The following OXR1 variants were observed in gnomAD, a reference collection of about 807,000 sequenced individuals.
The protein encoded by OXR1 is oxidation resistance protein 1.
A neutral mutation model predicts 104.6 loss-of-function variants in OXR1; 41 were observed. The ratio of observed to expected loss-of-function variants is 0.39; its 90% CI spans 0.31 to 0.51. The LOEUF (loss-of-function observed/expected upper bound fraction) is 0.51. Ranked by LOEUF, OXR1 falls within the 20% of genes least tolerant of loss-of-function variation. The pLI, the probability that OXR1 is intolerant of heterozygous loss-of-function variation, is 0.77. For missense variants in OXR1, 955 were observed against 1,031.9 expected (o/e 0.93, Z 1.02); for synonymous variants, 348 against 348.4 (o/e 1.00, Z 0.01).
intron 3 of OXR1, among the ~76,000 whole-genome samples, chr8:106,531,239 G>A (rs1216138872): frequency 6.6e-6 from 1 of 152,100 alleles, no homozygotes; most frequent in Non-Finnish European, 1.5e-5. Flanking sequence ...ATATGCGTTG[G>A]ATTTAAATGA....
At chr8:106,525,545 T>C (rs551752785) in intron 3 of OXR1, among the ~76,000 whole-genome samples, 1 of 152,350 alleles carries the variant, frequency 6.6e-6, no homozygotes, top group African/African-American at 2.4e-5. Flanking sequence ...ACAACCTTTA[T>C]GTTTATTTTT....
intron 1 of OXR1, among the ~76,000 whole-genome samples, chr8:106,315,656 GTGA>G (rs1813897824): frequency 6.6e-6 from 1 of 152,186 alleles, no homozygotes; most frequent in South Asian, 2.1e-4. Context: ...AACATACTGG[GTGA>G]TGCAGCAAAG....
intron 2 of OXR1, among the ~76,000 whole-genome samples, chr8:106,514,286 C>T (rs1390521974): frequency 6.6e-6 from 1 of 152,110 alleles, no homozygotes; most frequent in Non-Finnish European, 1.5e-5. Flanking sequence ...AAAAAGACTT[C>T]CCCTTTCACG....
At chr8:106,641,404 T>A (rs1823617238) in intron 3 of OXR1, among the ~76,000 whole-genome samples, 1 of 152,134 alleles carries the variant, frequency 6.6e-6, no homozygotes, top group African/African-American at 2.4e-5. Flanking sequence ...AGCATCAGGA[T>A]CAATAGAAGC....
intron 16 of OXR1, among the ~76,000 whole-genome samples, chr8:106,746,317 G>GT (rs975574985): frequency 1.7e-3 from 7 of 4,062 alleles, no homozygotes; most frequent in African/African-American, 8.4e-3. Flanking sequence ...TTGCTTGCTT[G>GT]TTTTTTAACA....
chr8:106,615,747 C>T (rs113900093), intron 3 of OXR1, among the ~76,000 whole-genome samples: 1 of 152,162 alleles, frequency 6.6e-6, no homozygotes, highest in Non-Finnish European at 1.5e-5. Context: ...CTGTTCTCTC[C>T]TTATGCTCAC....
chr8:106,698,026 C>T (rs916349363), intron 7 of OXR1: 8 of 1,596,196 alleles, frequency 5.0e-6, no homozygotes, highest in East Asian at 4.5e-5. Context: ...CAATGGGTGG[C>T]GGTGGCTGCG....
At position 106,671,044 on chromosome 8, in the gene OXR1, C is replaced by CAAAAAAAAAAAAAAAAAAAA. The variant is rs60404483; in HGVS notation, c.221-8147_221-8146insAAAAAAAAAAAAAAAAAAAA. Reference sequence around the variant, plus strand: ...TGGGTGACAGAGTGAGACTCTGTCTCAAAAAAAAAAAAAAAAAAAGAATGG... The same window carrying CAAAAAAAAAAAAAAAAAAAA: ...TGGGTGACAGAGTGAGACTCTGTCTCAAAAAAAAAAAAAAAAAAAAAAAAAAAAAAAAAAAAAAAGAATGG... On this transcript the variant is annotated intron_variant, in intron 3 of 16. Coordinates refer to ENST00000517566, the MANE Select transcript of OXR1 (RefSeq NM_001198533.2). Among the ~76,000 whole-genome samples the CAAAAAAAAAAAAAAAAAAAA allele has an allele frequency of 1.8e-3, 87 of 48,922 alleles. 3 individuals are homozygous for CAAAAAAAAAAAAAAAAAAAA. The highest frequency in any genetic ancestry group is 5.0e-3 in the African/African-American group (41 of 8,152). 32.1% of individuals were successfully genotyped at this position (48,922 alleles called of 152,430 possible).
chr8:106,393,952 A>G (rs540798081), intron 2 of OXR1, among the ~76,000 whole-genome samples: 1 of 152,252 alleles, frequency 6.6e-6, no homozygotes, highest in East Asian at 1.9e-4. Context: ...CATTTTAAAG[A>G]CAATTTTAGC....
chr8:106,658,752 C>T lies in OXR1; in HGVS notation c.221-20458C>T, dbSNP rs192050834. ...ACGGCTGCACGTTGTCTTGTGGTGG[C>T]AGAACCTAGAAACTTTCTCAGTTCC... On this transcript the variant is annotated intron_variant, in intron 3 of 16. Transcript: ENST00000517566. Among the ~76,000 whole-genome samples the T allele has an allele frequency of 2.2e-3, 329 of 152,006 alleles. 1 individual carries two copies. Among genetic ancestry groups the T allele is most frequent in the African/African-American group, 7.3e-3 (304 of 41,428 alleles).
At chr8:106,553,157 A>T (rs1376061128) in intron 3 of OXR1, among the ~76,000 whole-genome samples, 1 of 152,134 alleles carries the variant, frequency 6.6e-6, no homozygotes, top group Admixed American at 6.6e-5. Context: ...ATACATATGT[A>T]ACTAACCTGC....
chr8:106,570,487 A>C (rs751712681), intron 3 of OXR1, among the ~76,000 whole-genome samples: 3 of 152,200 alleles, frequency 2.0e-5, no homozygotes, highest in Non-Finnish European at 4.4e-5. Context: ...ATTTAGAAAG[A>C]TTAAGTAACA....
At chr8:106,530,670 G>A (rs1422665007) in intron 3 of OXR1, among the ~76,000 whole-genome samples, 1 of 152,130 alleles carries the variant, frequency 6.6e-6, no homozygotes, top group African/African-American at 2.4e-5. Context: ...TTCAACTGAA[G>A]ATTATAAATG....
At chr8:106,312,555 A>T (rs1813751858) in intron 1 of OXR1, among the ~76,000 whole-genome samples, 1 of 152,170 alleles carries the variant, frequency 6.6e-6, no homozygotes, top group African/African-American at 2.4e-5. Flanking sequence ...GGCAAAAATC[A>T]CCGAGGGCCA....
intron 1 of OXR1, among the ~76,000 whole-genome samples, chr8:106,312,919 C>A (rs893158729): frequency 1.3e-5 from 2 of 151,926 alleles, no homozygotes; most frequent in African/African-American, 4.8e-5. Flanking sequence ...CAGATGACAC[C>A]CAAATAGGGA....
chr8:106,506,511 G>A (rs1812175159), intron 2 of OXR1, among the ~76,000 whole-genome samples: 1 of 152,136 alleles, frequency 6.6e-6, no homozygotes, highest in Admixed American at 6.5e-5. Flanking sequence ...TACTCGGGAG[G>A]CTGAGGCAGG....
chr8:106,497,120 C>T (rs1361923010), intron 2 of OXR1, among the ~76,000 whole-genome samples: 2 of 152,084 alleles, frequency 1.3e-5, no homozygotes, highest in South Asian at 2.1e-4. Flanking sequence ...CACTTCAACA[C>T]GGGGAGAAAA....
intron 2 of OXR1, among the ~76,000 whole-genome samples, chr8:106,394,581 TG>T (rs1312431750): frequency 6.6e-6 from 1 of 152,150 alleles, no homozygotes; most frequent in East Asian, 1.9e-4. Context: ...AGCCAAATGA[TG>T]GAATACTACT....
chr8:106,396,848 G>T (rs1172009086), intron 2 of OXR1, among the ~76,000 whole-genome samples: 3 of 152,044 alleles, frequency 2.0e-5, no homozygotes, highest in Non-Finnish European at 4.4e-5. Context: ...AGGGTACACA[G>T]AAACTCTCTA....
Sources: gnomAD v4.1 joint callset for allele counts (sites outside exome capture counted in the v4.1 genomes callset) on GRCh38, gnomAD v4.1.1 for gene constraint, MANE v1.5 for transcripts, NCBI Gene and HGNC (gene_info 2026-07-23, HGNC 2026-07-21) for gene names.